The following PIK3C2G variants were observed in gnomAD, a reference collection of about 807,000 sequenced individuals.
PIK3C2G encodes the protein phosphatidylinositol 3-kinase C2 domain-containing subunit gamma.
Under a neutral mutation model 181.1 loss-of-function variants are expected in PIK3C2G, and 168 were observed. That is an observed-to-expected ratio of 0.93 (90% CI 0.82 to 1.05). The LOEUF (loss-of-function observed/expected upper bound fraction) is 1.05, where lower values mean the gene tolerates loss of function less well. Among genes scored for constraint, PIK3C2G ranks in the 50% least tolerant of loss-of-function variants. The pLI, the probability that PIK3C2G is intolerant of heterozygous loss-of-function variation, is 0.00. For missense variants in PIK3C2G, 1,869 were observed against 1,732.8 expected (o/e 1.08, Z -1.40); for synonymous variants, 573 against 592.2 (o/e 0.97, Z 0.47).
At chr12:18,645,254 C>T (rs1212525466) in intron 32 of PIK3C2G, among the ~76,000 whole-genome samples, 2 of 152,082 alleles carry the variant, frequency 1.3e-5, no homozygotes, top group Non-Finnish European at 2.9e-5. Context: ...ACTTCGCTAA[C>T]ATTAGCCACT....
At chr12:18,374,510 C>T (rs1460963754) in intron 13 of PIK3C2G, among the ~76,000 whole-genome samples, 2 of 152,052 alleles carry the variant, frequency 1.3e-5, no homozygotes, top group African/African-American at 2.4e-5. Flanking sequence ...ATTGAAAAAC[C>T]GGCAGTTGGT....
chr12:18,585,494 C>T (rs1235113652), intron 29 of PIK3C2G, among the ~76,000 whole-genome samples: 1 of 151,852 alleles, frequency 6.6e-6, no homozygotes, highest in Non-Finnish European at 1.5e-5. Flanking sequence ...AACAAGAAGA[C>T]TTAACTATCC....
At chr12:18,339,241 G>T (rs1353217084) in intron 9 of PIK3C2G, among the ~76,000 whole-genome samples, 1 of 152,164 alleles carries the variant, frequency 6.6e-6, no homozygotes, top group Admixed American at 6.5e-5. Flanking sequence ...TTTAGCAAAT[G>T]ATAAAGCAGA....
At chr12:18,664,617 G>A in the PIK3C2G span, among the ~76,000 whole-genome samples, 563 of 152,086 alleles carry the variant, frequency 3.7e-3, 4 homozygotes, top group African/African-American at 0.013. Context: ...CAGGGATCTA[G>A]AACTAGAAAG....
intron 8 of PIK3C2G, among the ~76,000 whole-genome samples, chr12:18,335,833 T>G (rs2137573836): frequency 6.6e-6 from 1 of 152,270 alleles, no homozygotes; most frequent in East Asian, 1.9e-4. Flanking sequence ...ATGTGAAGAT[T>G]AAATGAGATA....
intron 31 of PIK3C2G, among the ~76,000 whole-genome samples, chr12:18,624,933 C>T (rs544890588): frequency 5.9e-5 from 9 of 151,598 alleles, no homozygotes; most frequent in Admixed American, 5.3e-4. Context: ...TTTTCTCCTG[C>T]TTAGTTTAAC....
chr12:18,687,193 C>G, the PIK3C2G span, among the ~76,000 whole-genome samples: 1 of 152,078 alleles, frequency 6.6e-6, no homozygotes, highest in South Asian at 2.1e-4. Context: ...CCATGACTTT[C>G]GCTCTAGAAG....
At chr12:18,678,254 C>T in the PIK3C2G span, among the ~76,000 whole-genome samples, 2 of 152,056 alleles carry the variant, frequency 1.3e-5, no homozygotes, top group Admixed American at 6.6e-5. Flanking sequence ...GCCAAATAAA[C>T]CTTTCATGCA....
At chr12:18,579,266 G>A (rs1334358530) in intron 29 of PIK3C2G, among the ~76,000 whole-genome samples, 3 of 152,132 alleles carry the variant, frequency 2.0e-5, no homozygotes, top group African/African-American at 7.2e-5. Context: ...ATGACAGTGA[G>A]TGGAAAAATG....
chr12:18,601,595 G>A (rs1043278180), intron 30 of PIK3C2G, among the ~76,000 whole-genome samples: 7 of 152,196 alleles, frequency 4.6e-5, no homozygotes, highest in African/African-American at 1.7e-4. Flanking sequence ...ATCATAATAT[G>A]TTAATGATGA....
intron 1 of PIK3C2G, among the ~76,000 whole-genome samples, chr12:18,273,070 A>T (rs1948813543): frequency 1.3e-5 from 2 of 152,120 alleles, no homozygotes; most frequent in Admixed American, 1.3e-4. Flanking sequence ...AGAAAGAGAG[A>T]GATGCTGGGG....
rs1345204230 is a variant in PIK3C2G at position 18,391,137 on chromosome 12, A to G, written c.2011A>G (p.Thr671Ala). ...TTTCTTTCAGATTGATTTTCCAGCT[A>G]CTGGGTGGGAGTATATGAAACCTGA... ...PVTLQIDFPA[T>A]GWEYMKPDSE... The change falls in exon 15 of 33, where the codon ACT becomes GCT. Residue 671 changes from threonine (T) to alanine (A), a missense_variant. Coordinates refer to ENST00000538779, the MANE Select transcript of PIK3C2G (RefSeq NM_001288772.2). 7 of 1,597,708 alleles carry G rather than the reference A, an allele frequency of 4.4e-6. No homozygotes were observed. The highest frequency in any genetic ancestry group is 1.7e-5 in the Admixed American group (1 of 57,794).
intron 29 of PIK3C2G, among the ~76,000 whole-genome samples, chr12:18,592,445 T>C (rs1004627065): frequency 6.6e-6 from 1 of 151,822 alleles, no homozygotes; most frequent in African/African-American, 2.4e-5. Flanking sequence ...GAAATTCCCA[T>C]TGGTTTTGAA....
chr12:18,377,177 T>C (rs1286230034), intron 13 of PIK3C2G, among the ~76,000 whole-genome samples: 3 of 152,138 alleles, frequency 2.0e-5, no homozygotes, highest in African/African-American at 7.2e-5. Flanking sequence ...AATGGGCACA[T>C]AGAATATTAT....
chr12:18,711,529 T>TATAATAATAATAATAATAATA, the PIK3C2G span, among the ~76,000 whole-genome samples: 2 of 142,462 alleles, frequency 1.4e-5, no homozygotes, highest in South Asian at 2.2e-4. Flanking sequence ...AAACTTAAAG[T>TATAATAATAATAATAATAATA]ATAATAATAA....
intron 31 of PIK3C2G, among the ~76,000 whole-genome samples, chr12:18,635,182 A>G (rs1408546571): frequency 6.6e-6 from 1 of 152,146 alleles, no homozygotes; most frequent in African/African-American, 2.4e-5. Context: ...ATGCAGAACT[A>G]TCCGTAAACC....
the PIK3C2G span, chr12:18,688,061 A>C: frequency 6.2e-7 from 1 of 1,607,558 alleles, no homozygotes; most frequent in South Asian, 1.1e-5. Context: ...GTCTAATGGA[A>C]ATTCAATAAG....
At chr12:18,576,290 G>C (rs12811115) in intron 29 of PIK3C2G, among the ~76,000 whole-genome samples, 24,125 of 152,174 alleles carry the variant, frequency 0.16, 2,232 homozygotes, top group South Asian at 0.25. Context: ...TTCACTGCCA[G>C]CTCTGGGGTA....
intron 7 of PIK3C2G, among the ~76,000 whole-genome samples, chr12:18,322,198 C>T (rs1281817537): frequency 6.6e-6 from 1 of 152,044 alleles, no homozygotes; most frequent in Non-Finnish European, 1.5e-5. Flanking sequence ...GCCTGGCCAA[C>T]ACAGTGAAAC....
Sources: gnomAD v4.1 joint callset for allele counts (sites outside exome capture counted in the v4.1 genomes callset) on GRCh38, gnomAD v4.1.1 for gene constraint, MANE v1.5 for transcripts, NCBI Gene and HGNC (gene_info 2026-07-23, HGNC 2026-07-21) for gene names.